Variants in SGMS2 observed in about 807,000 individuals in gnomAD.
SGMS2 encodes sphingomyelin synthase 2.
Under a neutral mutation model 43.8 loss-of-function variants are expected in SGMS2, and 21 were observed. The observed-to-expected ratio is 0.48, with a 90% CI of 0.34 to 0.69. The LOEUF is 0.69. Among genes scored for constraint, SGMS2 ranks in the 30% least tolerant of loss-of-function variants. The pLI, the probability that SGMS2 is intolerant of heterozygous loss-of-function variation, is 0.01. For missense variants in SGMS2, 384 were observed against 443.2 expected (o/e 0.87, Z 1.20); for synonymous variants, 167 against 160.6 (o/e 1.04, Z -0.30).
chr4:107,842,649 C>G (rs1726588029), intron 1 of SGMS2, among the ~76,000 whole-genome samples: 1 of 152,144 alleles, frequency 6.6e-6, no homozygotes, highest in Non-Finnish European at 1.5e-5. Flanking sequence ...GACTTAATGA[C>G]CTGTCGTGTA....
chr4:107,905,126 A>T (rs6833132), intron 5 of SGMS2, among the ~76,000 whole-genome samples: 123,205 of 152,170 alleles, frequency 0.81, 50,075 homozygotes, highest in East Asian at 0.96. Context: ...TGATAAAGAC[A>T]TAACCAAGAC....
intron 2 of SGMS2, among the ~76,000 whole-genome samples, chr4:107,876,665 G>A (rs887232772): frequency 6.6e-6 from 1 of 152,204 alleles, no homozygotes; most frequent in African/African-American, 2.4e-5. Flanking sequence ...GAAGGTCACA[G>A]AATACAAGAG....
At chr4:107,877,913 C>CTTTTTTTTTT (rs774442653) in intron 2 of SGMS2, among the ~76,000 whole-genome samples, 40 of 102,142 alleles carry the variant, frequency 3.9e-4, no homozygotes, top group Non-Finnish European at 5.4e-4. Context: ...TTTTTCTTTT[C>CTTTTTTTTTT]TTTTTTTTTT....
chr4:107,869,200 T>C (rs1230949553), intron 2 of SGMS2, among the ~76,000 whole-genome samples: 1 of 152,120 alleles, frequency 6.6e-6, no homozygotes, highest in African/African-American at 2.4e-5. Context: ...AGTGCTGTAT[T>C]TGAAAGTTCA....
At chr4:107,897,600 T>C (rs1730780851) in intron 3 of SGMS2, among the ~76,000 whole-genome samples, 1 of 152,154 alleles carries the variant, frequency 6.6e-6, no homozygotes, top group South Asian at 2.1e-4. Context: ...TTCATCTAGA[T>C]CCTTTTTGAA....
rs145705209 is a variant in SGMS2, at chr4:107,843,223, A to C, written c.-326-15249A>C. Among the ~76,000 whole-genome samples, 868 of 151,714 alleles carry C rather than the reference A, an allele frequency of 5.7e-3. 8 individuals are homozygous for C. The highest frequency in any genetic ancestry group is 0.02 in the African/African-American group (832 of 41,358). On this transcript the variant is annotated intron_variant, in intron 1 of 6. Coordinates refer to ENST00000690982, the MANE Select transcript of SGMS2 (RefSeq NM_001375905.1). The stretch of plus-strand genomic sequence containing the variant: ...CACTTTTTTATACAAGTAATTAGCT[A>C]TTCTGGCATTCTGAGAATCCTTTGA...
chr4:107,868,214 TTTAC>T (rs1728275119), intron 2 of SGMS2, among the ~76,000 whole-genome samples: 1 of 152,220 alleles, frequency 6.6e-6, no homozygotes, highest in African/African-American at 2.4e-5. Context: ...AATTTTCACT[TTTAC>T]TTAGTTTTGC....
chr4:107,866,298 C>T (rs766452543), intron 2 of SGMS2, among the ~76,000 whole-genome samples: 3 of 152,158 alleles, frequency 2.0e-5, no homozygotes, highest in Admixed American at 6.5e-5. Context: ...GGCATTGTGG[C>T]TCACACCTGT....
intron 2 of SGMS2, among the ~76,000 whole-genome samples, chr4:107,869,731 C>A (rs1728411962): frequency 6.6e-6 from 1 of 151,440 alleles, no homozygotes; most frequent in Non-Finnish European, 1.5e-5. Flanking sequence ...AGACTGCTTC[C>A]AAAAATACAG....
At chr4:107,830,224 G>T (rs961594146) in intron 1 of SGMS2, among the ~76,000 whole-genome samples, 1 of 152,146 alleles carries the variant, frequency 6.6e-6, no homozygotes, top group Non-Finnish European at 1.5e-5. Context: ...TCATTTTTAT[G>T]ACTGCATAGT....
intron 2 of SGMS2, chr4:107,893,518 GT>G (rs1730414468): frequency 6.6e-6 from 1 of 152,188 alleles, no homozygotes; most frequent in Non-Finnish European, 1.5e-5. Context: ...CCTCTTCATT[GT>G]GCTTATTCTT....
intron 5 of SGMS2, chr4:107,907,066 G>C (rs1731639182): frequency 6.6e-6 from 1 of 152,080 alleles, no homozygotes; most frequent in African/African-American, 2.4e-5. Flanking sequence ...GACTGGATCT[G>C]GCTCCTAAGA....
At chr4:107,831,027 T>G (rs2125985176) in intron 1 of SGMS2, among the ~76,000 whole-genome samples, 1 of 152,314 alleles carries the variant, frequency 6.6e-6, no homozygotes, top group South Asian at 2.1e-4. Context: ...AAATGGAAAT[T>G]ATATCCACTC....
rs559432745 is a variant in SGMS2 at position 107,902,889 on chromosome 4, C to T, written c.574-344C>T. On this transcript the variant is annotated intron_variant, in intron 4 of 6. Coordinates refer to ENST00000690982, the MANE Select transcript of SGMS2 (RefSeq NM_001375905.1). ...AATCAAATATTAACCATTCAAAACCCTCACTTCCCCCTGCAAAAAGAAAGT... is the reference window on the plus strand; with the variant it reads ...AATCAAATATTAACCATTCAAAACCTTCACTTCCCCCTGCAAAAAGAAAGT... Among the ~76,000 whole-genome samples the T allele has an allele frequency of 3.9e-5, 6 of 152,110 alleles. No individual in the cohort carries two copies. In the East Asian group the frequency reaches 1.2e-3, roughly 29 times the overall value.
rs139822172 is a variant in SGMS2 at position 107,906,422 on chromosome 4, A to G, written c.728-2143A>G. On this transcript the variant is annotated intron_variant, in intron 5 of 6. Transcript: ENST00000690982. ...GAAATCAGACTAGCTGTTAGTGCCA[A>G]TCATCTGGCTAGTAGAGAACAGTTT... Among the ~76,000 whole-genome samples the G allele has an allele frequency of 5.4e-3, 827 of 152,304 alleles. 6 individuals carry two copies. The highest frequency in any genetic ancestry group is 0.019 in the African/African-American group (788 of 41,552).
At chr4:107,847,057 G>T (rs1462638257) in intron 1 of SGMS2, among the ~76,000 whole-genome samples, 2 of 151,866 alleles carry the variant, frequency 1.3e-5, no homozygotes, top group East Asian at 1.9e-4. Flanking sequence ...CTCCCATTTT[G>T]TAGGTTGCCT....
At chr4:107,888,932 A>C (rs896759125) in intron 2 of SGMS2, among the ~76,000 whole-genome samples, 1 of 152,208 alleles carries the variant, frequency 6.6e-6, no homozygotes, top group African/African-American at 2.4e-5. Flanking sequence ...GATAGTCATC[A>C]TTTAAAGTTT....
intron 1 of SGMS2, among the ~76,000 whole-genome samples, chr4:107,848,296 G>A (rs896548873): frequency 9.2e-5 from 14 of 152,090 alleles, no homozygotes; most frequent in South Asian, 2.1e-4. Context: ...GTGATGTACC[G>A]TAGTTTGTTT....
At chr4:107,825,892 C>T (rs1725562997) in intron 1 of SGMS2, among the ~76,000 whole-genome samples, 2 of 152,080 alleles carry the variant, frequency 1.3e-5, no homozygotes, top group African/African-American at 4.8e-5. Flanking sequence ...ATTAATGTTG[C>T]CGGTCCTCTA....
Sources: allele counts gnomAD v4.1 joint callset (sites outside exome capture counted in the v4.1 genomes callset), GRCh38; gene constraint gnomAD v4.1.1; transcripts MANE v1.5; gene names NCBI Gene and HGNC (gene_info 2026-07-23, HGNC 2026-07-21).